SLC4A1: variants seen among roughly 807,000 people sequenced by gnomAD.
The protein encoded by SLC4A1 is band 3 anion transport protein.
A neutral mutation model predicts 93.1 loss-of-function variants in SLC4A1; 29 were observed. The ratio of observed to expected loss-of-function variants is 0.31; its 90% CI spans 0.23 to 0.42. SLC4A1 has a LOEUF of 0.42. SLC4A1 is among the 20% of genes least tolerant of loss of function. The pLI is 1.00. For synonymous variants in SLC4A1, 469 were observed against 497.2 expected (o/e 0.94, Z 0.76); for missense variants, 965 against 1,190.1 (o/e 0.81, Z 2.78).
Position 44,260,792 on chromosome 17 carries a change from C to T in SLC4A1, c.192G>A (p.Leu64=). The T allele has an allele frequency of 6.2e-7, 1 of 1,612,816 alleles. No individual in the cohort carries two copies. ...THKVYVELQE[L]VMDEKNQELR... ...GCTCCTGGTTCTTTTCGTCCATCAC[C>T]AGCTCCTGCAGCTCCACATAGACCT... Residue 64 remains leucine (L), a synonymous_variant, in exon 5 of 20, where the codon CTG becomes CTA. Transcript: ENST00000262418.
intron 3 of SLC4A1, 32 bp from the exon 4 acceptor site, chr17:44,261,668 GACCGTCCCC>G (rs939522429): frequency 1.2e-6 from 2 of 1,614,008 alleles, no homozygotes; most frequent in Admixed American, 1.7e-5. Flanking sequence ...GTATTGACCT[GACCGTCCCC>G]CACCTGAGGC....
In SLC4A1 at chr17:44,250,024, A is replaced by G. The variant is rs1047328218; in HGVS notation, c.*434T>C. 2.5e-5 allele frequency: 6 copies of G among 235,820 alleles called. No individual in the cohort carries two copies. The highest frequency in any genetic ancestry group is 1.3e-4 in the African/African-American group (6 of 45,092). The allele number at this position is 235,820 out of a possible 1,614,324, so 14.6% of individuals were successfully genotyped here. On this transcript the variant is annotated 3_prime_UTR_variant, in exon 20 of 20. Transcript: ENST00000262418. ...ACCATCCTGTAATGTGGGTATTATC[A>G]TCAATATACCCATTTTACAGAAGAG...
chr17:44,255,262 A>G lies in SLC4A1; in HGVS notation c.1835T>C (p.Ile612Thr). 1 of 1,557,820 alleles carries G rather than the reference A, an allele frequency of 6.4e-7. No individual in the cohort carries two copies. Among genetic ancestry groups the G allele is most frequent in the Non-Finnish European group, 8.7e-7 (1 of 1,150,176 alleles). Residue 612 changes from isoleucine (I) to threonine (T), a missense_variant, in exon 15 of 20, where the codon ATC (isoleucine) becomes ACC (threonine). Transcript: ENST00000262418. ...RRVIGDFGVP[I>T]SILIMVLVDF... is the part of the protein sequence containing the mutation. ...CACCAGGACCATGATCAGGATGGAG[A>G]TGGGGACCCCGAAGTCCCCGATGAC...
At position 44,251,271 on chromosome 17, in the gene SLC4A1, C is replaced by A; in HGVS notation, c.2543G>T (p.Trp848Leu). 6.2e-7 allele frequency: 1 copy of A among 1,614,232 alleles called. No homozygotes were observed. The highest frequency in any genetic ancestry group is 8.5e-7 in the Non-Finnish European group (1 of 1,180,046). ...GIQIICLAVL[W>L]VVKSTPASLA... The stretch of plus-strand genomic sequence containing the variant: ...GGAGGCCGGCGTGGACTTCACCACC[C>A]ACAGCACTGCCAGGCAGATGATCTG... The change falls in exon 19 of 20, where the codon TGG becomes TTG. Residue 848 changes from tryptophan (W) to leucine (L), a missense_variant. Physicochemically the swap from Trp to Leu is moderately conservative, Grantham distance 61. This residue lies in a region of SLC4A1 where 770 missense variants were observed against 1,006.6 expected (regional missense o/e 0.76). Transcript: ENST00000262418.
At chr17:44,264,263 C>G (rs1256525043) in intron 1 of SLC4A1, among the ~76,000 whole-genome samples, 1 of 152,130 alleles carries the variant, frequency 6.6e-6, no homozygotes, top group Non-Finnish European at 1.5e-5. Flanking sequence ...AGTCCGAGAC[C>G]AACTGGGCAA....
rs528894185 is a variant in SLC4A1, at chr17:44,261,761, G to C, written c.107-125C>G. On this transcript the variant is annotated intron_variant, in intron 3 of 19. Coordinates refer to ENST00000262418, the MANE Select transcript of SLC4A1 (RefSeq NM_000342.4). ...CCCTCCTTCCCAGTGCCCTGGGCTGGGTCTCTGGTGCCGCATCCCACACTG... is the reference window on the plus strand; with the variant it reads ...CCCTCCTTCCCAGTGCCCTGGGCTGCGTCTCTGGTGCCGCATCCCACACTG... 3.0e-4 allele frequency: 472 copies of C among 1,547,818 alleles called. 8 individuals are homozygous for C. The South Asian group carries it at 3.3e-3, about 11-fold the overall frequency.
intron 1 of SLC4A1, among the ~76,000 whole-genome samples, chr17:44,263,728 TCCTTC>T (rs1003364450): frequency 2.0e-5 from 3 of 149,338 alleles, no homozygotes; most frequent in Admixed American, 6.7e-5. Flanking sequence ...CTTCCTTCCT[TCCTTC>T]CTTCCTCCAT....
chr17:44,267,811 C>A (rs886532552), intron 1 of SLC4A1, among the ~76,000 whole-genome samples: 1 of 152,124 alleles, frequency 6.6e-6, no homozygotes, highest in African/African-American at 2.4e-5. Flanking sequence ...CCGCAACACA[C>A]GCACCGGAGC....
rs1401496576 is a variant in SLC4A1 at position 44,258,333 on chromosome 17, G to A, written c.1087+80C>T. 2 of 1,460,634 alleles carry A rather than the reference G, an allele frequency of 1.4e-6. No individual in the cohort carries two copies. Among genetic ancestry groups the A allele is most frequent in the South Asian group, 1.1e-5 (1 of 87,922 alleles). The allele number at this position is 1,460,634 out of a possible 1,614,324, so 90.5% of individuals were successfully genotyped here. A position where few individuals can be genotyped will look rare whatever the true frequency, so the allele number is the denominator to read the frequency against. ...AAAGGGAGCGATGAGAGGGGAACAT[G>A]TGATGGGAGACAGAGGCTACGCTGA... On this transcript the variant is annotated intron_variant, in intron 10 of 19. Coordinates refer to ENST00000262418, the MANE Select transcript of SLC4A1 (RefSeq NM_000342.4). The surrounding 1 kb of genome is among the most constrained non-coding windows in gnomAD (Gnocchi z 6.1).
At chr17:44,263,724 TC>T (rs2047471191) in intron 1 of SLC4A1, among the ~76,000 whole-genome samples, 1 of 149,106 alleles carries the variant, frequency 6.7e-6, no homozygotes, top group Non-Finnish European at 1.5e-5. Flanking sequence ...CTTCCTTCCT[TC>T]CTTCCTTCCT....
Position 44,261,460 on chromosome 17 carries a change from T to A in SLC4A1, c.168+115A>T. On this transcript the variant is annotated intron_variant, in intron 4 of 19. Coordinates refer to ENST00000262418, the MANE Select transcript of SLC4A1 (RefSeq NM_000342.4). ...CTGGGATCCTCACTCCTCTATCTGC[T>A]GCAGGGTCTCCCCCAGCCTGAAGCT... is the stretch of plus-strand genomic sequence containing the variant. 2.6e-6 allele frequency: 4 copies of A among 1,550,474 alleles called. No homozygotes were observed. In the South Asian group the frequency reaches 4.5e-5, roughly 17 times the overall value.
intron 16 of SLC4A1, 31 bp from the exon 17 acceptor site, chr17:44,253,402 G>T (rs1463698437): frequency 4.4e-6 from 7 of 1,597,312 alleles, no homozygotes; most frequent in East Asian, 2.2e-5. Context: ...GGGTAAGCAG[G>T]GTTCTCCCCT....
At position 44,257,724 on chromosome 17, in the gene SLC4A1, C is replaced by T. The variant is rs774299761; in HGVS notation, c.1366G>A (p.Ala456Thr). The stretch of plus-strand genomic sequence containing the variant: ...AAGCCGACCACAAGCAGGGGCTGAG[C>T]CCCCAGCAGGGCGAAGAGAATGCCC... Reference protein sequence around the residue: ...VQGILFALLGAQPLLVVGFSG... With the variant: ...VQGILFALLGTQPLLVVGFSG... Residue 456 changes from alanine (A) to threonine (T), a missense_variant, in exon 12 of 20, where the codon GCT becomes ACT. By Grantham distance (58) the Ala-to-Thr change is moderately conservative. Around this residue, in one of 2 missense-constraint regions of SLC4A1, gnomAD observed 770 missense variants for 1,006.6 expected, o/e 0.76. Transcript: ENST00000262418. 4 of 1,613,950 alleles carry T rather than the reference C, an allele frequency of 2.5e-6. No homozygotes were observed. The Admixed American group carries it at 6.7e-5, about 27-fold the overall frequency.
chr17:44,262,107 C>T (rs2047450751), intron 3 of SLC4A1: 1 of 1,036,782 alleles, frequency 9.6e-7, no homozygotes, highest in Non-Finnish European at 1.2e-6. Context: ...TCCCACCCCT[C>T]CCACCCCCAG....
chr17:44,258,735 T>A lies in SLC4A1; in HGVS notation c.877-112A>T. The A allele has an allele frequency of 9.8e-7, 1 of 1,021,538 alleles. No homozygotes were observed. The highest frequency in any genetic ancestry group is 1.5e-6 in the Non-Finnish European group (1 of 670,114). The allele number at this position is 1,021,538 out of a possible 1,614,324, so 63.3% of individuals were successfully genotyped here. A position where few individuals can be genotyped will look rare whatever the true frequency, so the allele number is the denominator to read the frequency against. The stretch of plus-strand genomic sequence containing the variant: ...AACCCCCTCAGGCAGCAGCTCCCAT[T>A]GCCAGGAACTGCTTTTCCTGCCCGC... On this transcript the variant is annotated intron_variant, in intron 9 of 19. Transcript: ENST00000262418. The surrounding 1 kb of genome is among the most constrained non-coding windows in gnomAD (Gnocchi z 6.1).
rs571376371 is a variant in SLC4A1 at position 44,251,320 on chromosome 17, G to A, written c.2494C>T (p.Arg832Cys). Reference sequence around the variant, plus strand: ...TGGATGCCCGTGAATAAGTGCATGCGCCAGGTCTTCACCTGCAGGCGGAGG... The same window carrying A: ...TGGATGCCCGTGAATAAGTGCATGCACCAGGTCTTCACCTGCAGGCGGAGG... ...VPYVKRVKTW[R>C]MHLFTGIQII... is the part of the protein sequence containing the mutation. The change falls in exon 19 of 20, where the codon CGC (arginine) becomes TGC (cysteine). Residue 832 changes from arginine (R) to cysteine (C), a missense_variant. Coordinates refer to ENST00000262418, the MANE Select transcript of SLC4A1 (RefSeq NM_000342.4). The A allele has an allele frequency of 8.1e-6, 13 of 1,614,188 alleles. No individual in the cohort carries two copies. The highest frequency in any genetic ancestry group is 2.7e-5 in the African/African-American group (2 of 75,050).
Position 44,249,244 on chromosome 17 carries a change from T to C in SLC4A1, c.*1214A>G, listed in dbSNP as rs1257897382. ...ACGTCTTTCAACTCTTTTTATCTTT[T>C]TGTTTTATAAAAAAATAAATTTGCC... On this transcript the variant is annotated 3_prime_UTR_variant, in exon 20 of 20. Coordinates refer to ENST00000262418, the MANE Select transcript of SLC4A1 (RefSeq NM_000342.4). 4.5e-6 allele frequency: 2 copies of C among 445,818 alleles called. No individual in the cohort carries two copies. Among genetic ancestry groups the C allele is most frequent in the African/African-American group, 4.1e-5 (2 of 49,104 alleles). 27.6% of individuals were successfully genotyped at this position (445,818 alleles called of 1,614,324 possible).
rs1192674860 is a variant in SLC4A1 at position 44,257,349 on chromosome 17, C to T, written c.1626+1G>A. On this transcript the variant is annotated splice_donor_variant, in intron 13 of 19. Transcript: ENST00000262418. LOFTEE classifies it high-confidence loss of function. ...GCATTAACATCCCCATAGGCCCCCA[C>T]CTTGATCAGCTTGGAGAAAGTCTCA... The T allele has an allele frequency of 6.2e-7, 1 of 1,613,836 alleles. No homozygotes were observed. The highest frequency in any genetic ancestry group is 1.1e-5 in the South Asian group (1 of 91,072).
chr17:44,261,750 G>T, intron 3 of SLC4A1, 114 bp from the exon 4 acceptor site: 1 of 1,578,096 alleles, frequency 6.3e-7, no homozygotes, highest in Admixed American at 1.8e-5. Context: ...CCTTCCCAGT[G>T]CCCTGGGCTG....
Sources: gnomAD v4.1 joint callset for allele counts (sites outside exome capture counted in the v4.1 genomes callset) on GRCh38, gnomAD v4.1.1 for gene constraint, gnomAD v4.1.1 regional missense constraint, Gnocchi (gnomAD v3.1) non-coding constraint, MANE v1.5 for transcripts, NCBI Gene and HGNC (gene_info 2026-07-23, HGNC 2026-07-21) for gene names.